The following NUP153 variants were observed in gnomAD, a reference collection of about 807,000 sequenced individuals.
NUP153 encodes nuclear pore complex protein Nup153.
Under a neutral mutation model 134.6 loss-of-function variants are expected in NUP153, and 27 were observed. That is an observed-to-expected ratio of 0.20 (90% CI 0.15 to 0.28). NUP153 has a LOEUF of 0.28. Among genes scored for constraint, NUP153 ranks in the 10% least tolerant of loss-of-function variants. The pLI is 1.00. For synonymous variants in NUP153, 640 were observed against 623.5 expected, an observed-to-expected ratio of 1.03 and a Z score of -0.40; for missense variants, 1,821 against 1,731.3, an observed-to-expected ratio of 1.05 and a Z score of -0.92.
In NUP153 at chr6:17,629,040, T is replaced by C. The variant is rs1361450122; in HGVS notation, c.3159A>G (p.Ile1053Met). ...GAGCCACTGAAGCACTCTTGGTTTCTATGGTTCCAAGGTTGAAGCTGCTCT... is the reference window on the plus strand; with the variant it reads ...GAGCCACTGAAGCACTCTTGGTTTCCATGGTTCCAAGGTTGAAGCTGCTCT... ...ENKSSFNLGT[I>M]ETKSASVAPF... The change falls in exon 18 of 22, where the codon ATA becomes ATG. Residue 1053 changes from isoleucine to methionine, a missense_variant. Ile to Met is a conservative substitution (Grantham distance 10). Coordinates refer to ENST00000262077, the MANE Select transcript of NUP153 (RefSeq NM_005124.4). The C allele has an allele frequency of 1.9e-6, 3 of 1,614,080 alleles. No homozygotes were observed. Among genetic ancestry groups the C allele is most frequent in the Admixed American group, 1.7e-5 (1 of 60,002 alleles).
At chr6:17,668,861 A>G in intron 8 of NUP153, 114 bp downstream of exon 8, 2 of 698,460 alleles carry the variant, frequency 2.9e-6, no homozygotes, top group Admixed American at 3.3e-5. Context: ...AAAGAATATT[A>G]TTTTTCAAAC....
intron 2 of NUP153, among the ~76,000 whole-genome samples, chr6:17,679,140 A>C (rs1768416385): frequency 6.6e-6 from 1 of 152,182 alleles, no homozygotes; most frequent in Non-Finnish European, 1.5e-5. Flanking sequence ...ATATAATCTT[A>C]CATGTAAATA....
chr6:17,631,195 C>T (rs1463907003), intron 17 of NUP153, among the ~76,000 whole-genome samples: 1 of 152,156 alleles, frequency 6.6e-6, no homozygotes, highest in Non-Finnish European at 1.5e-5. Flanking sequence ...GAACCTTACA[C>T]CTACCAGAGG....
At chr6:17,653,837 C>T (rs1385780452) in intron 11 of NUP153, among the ~76,000 whole-genome samples, 1 of 152,106 alleles carries the variant, frequency 6.6e-6, no homozygotes, top group Non-Finnish European at 1.5e-5. Flanking sequence ...AAGCATTTGT[C>T]AAATTTATTA....
chr6:17,693,608 C>T (rs1413181290), intron 1 of NUP153, among the ~76,000 whole-genome samples: 2 of 152,158 alleles, frequency 1.3e-5, no homozygotes, highest in East Asian at 1.9e-4. Flanking sequence ...CCTTTGAGGC[C>T]GGGAACAGTG....
intron 11 of NUP153, among the ~76,000 whole-genome samples, chr6:17,652,418 T>G (rs1766553521): frequency 6.6e-6 from 1 of 152,038 alleles, no homozygotes; most frequent in Non-Finnish European, 1.5e-5. Flanking sequence ...TTCTAAATAA[T>G]CCATGGGTCA....
chr6:17,705,237 C>A (rs1339243852), intron 1 of NUP153, among the ~76,000 whole-genome samples: 3 of 152,188 alleles, frequency 2.0e-5, no homozygotes, highest in South Asian at 4.1e-4. Context: ...ATTTAAGACA[C>A]ACACTTCCCA....
intron 21 of NUP153, 101 bp from the exon 22 acceptor site, chr6:17,616,282 T>TAGGGGGGGTGGGGG: frequency 3.0e-6 from 1 of 332,088 alleles, no homozygotes; most frequent in Admixed American, 5.3e-5. Flanking sequence ...GGGGGTCGGG[T>TAGGGGGGGTGGGGG]GGGGGGGGAG....
chr6:17,623,679 A>C (rs912929559), intron 20 of NUP153, among the ~76,000 whole-genome samples: 8 of 152,192 alleles, frequency 5.3e-5, no homozygotes, highest in African/African-American at 1.9e-4. Flanking sequence ...ACAATGATTT[A>C]CTCTATGGCA....
chr6:17,690,659 G>C lies in NUP153; in HGVS notation c.112-2041C>G, dbSNP rs551269381. 2.3e-3 allele frequency among the ~76,000 whole-genome samples: 352 copies of C among 152,054 alleles called. 2 individuals are homozygous for C. The highest frequency in any genetic ancestry group is 8.3e-3 in the African/African-American group (343 of 41,456). On this transcript the variant is annotated intron_variant, in intron 1 of 21. Transcript: ENST00000262077. ...TTTATTTCACGAAGCAGATTTAGTA[G>C]GATTTCAAAGAAAGAGTCAAAGAAA...
chr6:17,651,798 G>C (rs529815892), intron 11 of NUP153: 15 of 562,560 alleles, frequency 2.7e-5, no homozygotes, highest in South Asian at 9.1e-5. Flanking sequence ...CAAAATCCAT[G>C]AAACAAAAAT....
chr6:17,701,224 TAAAA>T (rs80190785), intron 1 of NUP153, among the ~76,000 whole-genome samples: 1 of 121,060 alleles, frequency 8.3e-6, no homozygotes, highest in African/African-American at 3.1e-5. Context: ...AAACTCTGTC[TAAAA>T]AAAAAAAAAA....
intron 1 of NUP153, among the ~76,000 whole-genome samples, chr6:17,696,121 T>C (rs376029811): frequency 1.3e-5 from 2 of 152,064 alleles, no homozygotes; most frequent in East Asian, 1.9e-4. Flanking sequence ...AGAGTGAAAC[T>C]GTCTCAAAAC....
At chr6:17,635,887 C>A (rs989538489) in intron 16 of NUP153, among the ~76,000 whole-genome samples, 10 of 152,208 alleles carry the variant, frequency 6.6e-5, no homozygotes, top group Admixed American at 2.0e-4. Context: ...CATATGTGAG[C>A]TTCCTTTGTT....
intron 1 of NUP153, among the ~76,000 whole-genome samples, chr6:17,689,084 T>C (rs1231928431): frequency 2.0e-5 from 3 of 147,894 alleles, no homozygotes; most frequent in Non-Finnish European, 4.5e-5. Context: ...AAAAAAAAAA[T>C]ACAGGAACTA....
At position 17,670,897 on chromosome 6, in the gene NUP153, G is replaced by A. The variant is rs12202975; in HGVS notation, c.853-1351C>T. 9.0e-3 allele frequency among the ~76,000 whole-genome samples: 1,360 copies of A among 151,866 alleles called. 10 individuals carry two copies. The highest frequency in any genetic ancestry group is 0.014 in the Non-Finnish European group (950 of 67,930). ...ACAATCTCGGCTCACTGCAACCTCCGCCTCCCAGGTTCAAATGATTCTCCT... is the reference window on the plus strand; with the variant it reads ...ACAATCTCGGCTCACTGCAACCTCCACCTCCCAGGTTCAAATGATTCTCCT... On this transcript the variant is annotated intron_variant, in intron 5 of 21. Coordinates refer to ENST00000262077, the MANE Select transcript of NUP153 (RefSeq NM_005124.4).
intron 1 of NUP153, among the ~76,000 whole-genome samples, chr6:17,702,234 G>A (rs577938204): frequency 2.6e-5 from 4 of 152,234 alleles, no homozygotes; most frequent in Admixed American, 2.6e-4. Flanking sequence ...CTGGCCGGGC[G>A]AGGTAGCTCA....
At chr6:17,643,473 C>T (rs934426524) in intron 14 of NUP153, among the ~76,000 whole-genome samples, 1 of 152,102 alleles carries the variant, frequency 6.6e-6, no homozygotes, top group Non-Finnish European at 1.5e-5. Context: ...AACACCCACC[C>T]CCAACCATCC....
chr6:17,663,293 ACT>A (rs1327670028), intron 9 of NUP153, among the ~76,000 whole-genome samples: 3 of 150,714 alleles, frequency 2.0e-5, no homozygotes, highest in African/African-American at 7.3e-5. Context: ...TCAGGGTCTT[ACT>A]CTCTCACCCA....
Sources: allele counts gnomAD v4.1 joint callset (sites outside exome capture counted in the v4.1 genomes callset), GRCh38; gene constraint gnomAD v4.1.1; transcripts MANE v1.5; gene names NCBI Gene and HGNC (gene_info 2026-07-23, HGNC 2026-07-21).